N4BP2: variants seen among roughly 807,000 people sequenced by gnomAD.
The protein encoded by N4BP2 is NEDD4 binding protein 2.
Under a neutral mutation model 152.8 loss-of-function variants are expected in N4BP2, and 91 were observed. That is an observed-to-expected ratio of 0.60 (90% CI 0.50 to 0.71). The LOEUF is 0.71. N4BP2 is among the 30% of genes least tolerant of loss of function. N4BP2 has a pLI of 0.00. For missense variants in N4BP2, 1,923 were observed against 2,059.1 expected (o/e 0.93, Z 1.28); for synonymous variants, 646 against 705.3 (o/e 0.92, Z 1.33).
At chr4:40,140,016 G>C (rs1411716612) in intron 14 of N4BP2, among the ~76,000 whole-genome samples, 1 of 148,142 alleles carries the variant, frequency 6.8e-6, no homozygotes, top group Non-Finnish European at 1.5e-5. Context: ...GGCTGGTCTT[G>C]AACTTCTGGG....
At chr4:40,069,798 G>A (rs1711963309) in intron 1 of N4BP2, among the ~76,000 whole-genome samples, 1 of 152,082 alleles carries the variant, frequency 6.6e-6, no homozygotes, top group Non-Finnish European at 1.5e-5. Context: ...AATGGTGCAT[G>A]CATGTGGTCC....
At chr4:40,162,891 T>C (rs748319724), downstream of N4BP2, among the ~76,000 whole-genome samples, 198 of 152,326 alleles carry the variant, frequency 1.3e-3, 1 homozygote, top group Admixed American at 0.013. Flanking sequence ...CCAGGGAAGC[T>C]GATGGTATCT....
intron 7 of N4BP2, among the ~76,000 whole-genome samples, chr4:40,114,842 G>A (rs1533063): frequency 0.76 from 116,284 of 152,128 alleles, 44,808 homozygotes; most frequent in East Asian, 0.97. Flanking sequence ...GAATTTTTCC[G>A]TTATAGCAAC....
intron 12 of N4BP2, among the ~76,000 whole-genome samples, chr4:40,130,064 G>A (rs1560625988): frequency 6.6e-6 from 1 of 150,718 alleles, no homozygotes. Flanking sequence ...ATTTTTTTTT[G>A]AGGCTGGGTT....
rs750319125 is a variant in N4BP2, at chr4:40,121,699, A to G, written c.3588A>G (p.Ala1196=). 3.0e-5 allele frequency: 48 copies of G among 1,614,040 alleles called. No individual in the cohort carries two copies. The highest frequency in any genetic ancestry group is 4.1e-5 in the Non-Finnish European group (48 of 1,180,030). Reference sequence around the variant, plus strand: ...CTGACTCACAGTCTACTTGTGATGCAGAAAGAGGAAACTCAGAGCAGGCGG... The same window carrying G: ...CTGACTCACAGTCTACTTGTGATGCGGAAAGAGGAAACTCAGAGCAGGCGG... ...SNADSQSTCD[A]ERGNSEQAEM... is the part of the protein sequence containing the mutation. Residue 1196 remains alanine, a synonymous_variant, in exon 9 of 18, where the codon GCA becomes GCG. Transcript: ENST00000261435.
At chr4:40,190,145 C>T in the N4BP2 span, among the ~76,000 whole-genome samples, 3 of 152,150 alleles carry the variant, frequency 2.0e-5, no homozygotes, top group Admixed American at 6.5e-5. Context: ...GTTTCATATT[C>T]ATTGCTTGTC....
chr4:40,184,982 TA>T, the N4BP2 span, among the ~76,000 whole-genome samples: 45 of 151,218 alleles, frequency 3.0e-4, no homozygotes, highest in African/African-American at 1.1e-3. Context: ...AATAAATAAA[TA>T]AAATAAAAAA....
At chr4:40,087,174 C>G (rs575349433) in intron 2 of N4BP2, among the ~76,000 whole-genome samples, 1 of 151,966 alleles carries the variant, frequency 6.6e-6, no homozygotes, top group Non-Finnish European at 1.5e-5. Context: ...TTGCACAGAT[C>G]AAATCTTCTG....
At chr4:40,140,649 C>T (rs1719835123) in intron 14 of N4BP2, among the ~76,000 whole-genome samples, 1 of 151,266 alleles carries the variant, frequency 6.6e-6, no homozygotes, top group South Asian at 2.1e-4. Flanking sequence ...GGGGATTTGG[C>T]AGGGTCACAG....
the N4BP2 span, among the ~76,000 whole-genome samples, chr4:40,175,542 G>A: frequency 2.6e-5 from 4 of 152,056 alleles, no homozygotes; most frequent in East Asian, 1.9e-4. Context: ...AACAACTGGC[G>A]GGTCACTGAG....
chr4:40,085,483 G>C (rs1282466762), intron 2 of N4BP2, among the ~76,000 whole-genome samples: 1 of 152,142 alleles, frequency 6.6e-6, no homozygotes, highest in Admixed American at 6.6e-5. Flanking sequence ...AAGAGATGGG[G>C]TCTCACTCTG....
chr4:40,134,909 C>A (rs549707561), intron 13 of N4BP2, among the ~76,000 whole-genome samples: 4 of 126,820 alleles, frequency 3.2e-5, no homozygotes, highest in Non-Finnish European at 6.8e-5. Context: ...TCCTTTCTCT[C>A]TCTCTCTCTC....
intron 2 of N4BP2, among the ~76,000 whole-genome samples, chr4:40,095,360 C>T (rs971161031): frequency 9.2e-5 from 14 of 152,178 alleles, no homozygotes; most frequent in Admixed American, 6.5e-5. Context: ...GGATTACAGG[C>T]GTGAGCCATA....
chr4:40,142,893 T>C (rs1475613243), intron 15 of N4BP2, 32 bp downstream of exon 15: 1 of 1,582,522 alleles, frequency 6.3e-7, no homozygotes, highest in Admixed American at 1.7e-5. Context: ...ATATTTTTTG[T>C]CAGTTATAAT....
intron 2 of N4BP2, among the ~76,000 whole-genome samples, chr4:40,079,454 A>G (rs1483208220): frequency 7.1e-6 from 1 of 140,548 alleles, no homozygotes; most frequent in Middle Eastern, 3.4e-3. Context: ...GTTTATTGGT[A>G]TATCTACTTT....
chr4:40,069,552 CT>C (rs2109894993), intron 1 of N4BP2, among the ~76,000 whole-genome samples: 1 of 152,118 alleles, frequency 6.6e-6, no homozygotes, highest in Admixed American at 6.5e-5. Flanking sequence ...GTGTGCCCTG[CT>C]TTATAAAAAC....
At chr4:40,178,173 CAAAG>C in the N4BP2 span, among the ~76,000 whole-genome samples, 5 of 151,560 alleles carry the variant, frequency 3.3e-5, no homozygotes, top group Admixed American at 1.3e-4. Context: ...AACAAACAAA[CAAAG>C]AACCCAACAA....
chr4:40,060,199 A>G (rs1733548645), intron 1 of N4BP2, among the ~76,000 whole-genome samples: 3 of 151,616 alleles, frequency 2.0e-5, no homozygotes, highest in Admixed American at 2.0e-4. Context: ...TTTTATTAGA[A>G]CTGTACATCT....
intron 12 of N4BP2, 66 bp from the exon 13 acceptor site, chr4:40,131,735 C>T (rs1228438452): frequency 1.7e-6 from 2 of 1,146,738 alleles, no homozygotes; most frequent in Non-Finnish European, 2.6e-6. Flanking sequence ...GTTAACCATG[C>T]CTTTGGTCAG....
Sources: gnomAD v4.1 joint callset for allele counts (sites outside exome capture counted in the v4.1 genomes callset) on GRCh38, gnomAD v4.1.1 for gene constraint, MANE v1.5 for transcripts, NCBI Gene and HGNC (gene_info 2026-07-23, HGNC 2026-07-21) for gene names.